Variants in ARHGEF26 observed in about 807,000 individuals in gnomAD.
ARHGEF26 encodes the protein Rho guanine nucleotide exchange factor 26, also known as Rho guanine nucleotide exchange factor (GEF) 26.
In ARHGEF26, 59 loss-of-function variants were observed where a neutral mutation model predicts 89.4. The ratio of observed to expected loss-of-function variants is 0.66; its 90% confidence interval spans 0.54 to 0.82. The LOEUF (loss-of-function observed/expected upper bound fraction) is 0.82. Ranked by LOEUF, ARHGEF26 falls within the 40% of genes least tolerant of loss-of-function variation. The pLI, the probability that ARHGEF26 is intolerant of heterozygous loss-of-function variation, is 0.00. For missense variants in ARHGEF26, 1,234 were observed against 1,085.6 expected, an observed-to-expected ratio of 1.14 and a Z score of -1.92; for synonymous variants, 500 against 428.4, an observed-to-expected ratio of 1.17 and a Z score of -2.06.
Position 154,257,260 on chromosome 3 carries a change from G to C in ARHGEF26, c.*1787G>C, listed in dbSNP as rs192558289. On this transcript the variant is annotated 3_prime_UTR_variant, in exon 15 of 15. Transcript: ENST00000465093. ...ATATATTTCAGACCGTGAGTACCTT[G>C]AGATCTGAGCAACTGTGTTAATGAA... 1.4e-5 allele frequency: 3 copies of C among 211,958 alleles called. No individual in the cohort carries two copies. Among genetic ancestry groups the C allele is most frequent in the African/African-American group, 6.8e-5 (3 of 43,902 alleles). 13.1% of individuals were successfully genotyped at this position (211,958 alleles called of 1,614,324 possible).
rs1424295274 is a variant in ARHGEF26, at chr3:154,229,100, A to AAG, written c.2090+3090_2090+3091insAG. ...CCCTCCACTTCACAGTGCATGTATC[A>AAG]CTGCTTGTGCTTGTAAAGCTGGCTT... On this transcript the variant is annotated intron_variant, in intron 11 of 14. Transcript: ENST00000465093. Among the ~76,000 whole-genome samples the AAG allele has an allele frequency of 2.0e-5, 3 of 152,334 alleles. No individual in the cohort carries two copies. The East Asian group carries it at 5.8e-4, about 29-fold the overall frequency.
At chr3:154,129,404 A>T (rs566784807) in intron 3 of ARHGEF26, among the ~76,000 whole-genome samples, 170 bp from the exon 4 acceptor site, 49 of 152,308 alleles carry the variant, frequency 3.2e-4, no homozygotes, top group Non-Finnish European at 1.8e-4. Flanking sequence ...AGATAGAGCT[A>T]TGTGAATGAG....
In ARHGEF26 at chr3:154,186,886, C is replaced by CTTTTTTTTTTTTTT. The variant is rs201150057; in HGVS notation, c.1488-784_1488-771dup. On this transcript the variant is annotated intron_variant, in intron 6 of 14. Transcript: ENST00000465093. ...CATATACTGTTAGATTTATTTCAGA[C>CTTTTTTTTTTTTTT]TTTTTTTTTTTTTTTTTTTTTTTTT... 1.7e-4 allele frequency among the ~76,000 whole-genome samples: 14 copies of CTTTTTTTTTTTTTT among 82,080 alleles called. 2 individuals are homozygous for CTTTTTTTTTTTTTT. The highest frequency in any genetic ancestry group is 5.7e-4 in the African/African-American group (12 of 21,168). 53.8% of individuals were successfully genotyped at this position (82,080 alleles called of 152,430 possible).
chr3:154,178,947 C>G (rs1268511764), intron 6 of ARHGEF26, among the ~76,000 whole-genome samples: 1 of 152,150 alleles, frequency 6.6e-6, no homozygotes, highest in Non-Finnish European at 1.5e-5. Flanking sequence ...CCTAGTGGTT[C>G]TCTTGTTACT....
At chr3:154,163,071 TCTTA>T (rs1305738995) in intron 6 of ARHGEF26, among the ~76,000 whole-genome samples, 2 of 152,164 alleles carry the variant, frequency 1.3e-5, no homozygotes, top group African/African-American at 2.4e-5. Context: ...TAAATAATTG[TCTTA>T]CTTGTTTTTA....
Position 154,227,618 on chromosome 3 carries a change from T to C in ARHGEF26, c.2090+1608T>C, listed in dbSNP as rs533473274. Among the ~76,000 whole-genome samples, 3 of 152,300 alleles carry C rather than the reference T, an allele frequency of 2.0e-5. No individual in the cohort carries two copies. In the South Asian group the frequency reaches 6.2e-4, roughly 32 times the overall value. On this transcript the variant is annotated intron_variant, in intron 11 of 14. Transcript: ENST00000465093. ...AAGAAAGATGGGAGAAGAATTATAA[T>C]TTTTATGTTTTTGTGTTTTGTTGGT...
intron 11 of ARHGEF26, among the ~76,000 whole-genome samples, chr3:154,238,257 A>G (rs538715256): frequency 1.3e-5 from 2 of 152,340 alleles, no homozygotes; most frequent in South Asian, 2.1e-4. Flanking sequence ...AATATTTGAC[A>G]TATCCAAGTG....
chr3:154,127,172 A>T (rs547187506), intron 3 of ARHGEF26, among the ~76,000 whole-genome samples: 2 of 152,232 alleles, frequency 1.3e-5, no homozygotes, highest in Non-Finnish European at 2.9e-5. Flanking sequence ...CAAATACTGT[A>T]CATTTAAGCT....
intron 6 of ARHGEF26, among the ~76,000 whole-genome samples, chr3:154,162,126 T>TAC (rs1326102013): frequency 6.6e-6 from 1 of 152,206 alleles, no homozygotes; most frequent in Admixed American, 6.5e-5. Flanking sequence ...GACTGGGGTT[T>TAC]GGTTGCAGTG....
intron 9 of ARHGEF26, among the ~76,000 whole-genome samples, chr3:154,217,311 T>G (rs943203281): frequency 2.0e-5 from 3 of 151,730 alleles, no homozygotes; most frequent in Admixed American, 1.3e-4. Flanking sequence ...TTTCATGTGT[T>G]TTTTGGCTGC....
chr3:154,122,738 AG>A lies in ARHGEF26; in HGVS notation c.747del (p.Ile250SerfsTer12). The stretch of plus-strand genomic sequence containing the variant: ...GCCGCCCTCAAAGTGGGGAAGCAGC[AG>A]ATCATTCCGAAGAGTCTGGCCTCGG... ...SPAALKVGKQ[Q>X]IIPKSLASEI... is the part of the protein sequence containing the mutation. On this transcript the variant is annotated frameshift_variant, in exon 2 of 15. Transcript: ENST00000465093. LOFTEE classifies it high-confidence loss of function. 6.2e-7 allele frequency: 1 copy of A among 1,613,104 alleles called. No homozygotes were observed. The highest frequency in any genetic ancestry group is 8.5e-7 in the Non-Finnish European group (1 of 1,179,494).
intron 13 of ARHGEF26, among the ~76,000 whole-genome samples, chr3:154,253,741 C>T (rs1210616046): frequency 6.6e-6 from 1 of 152,090 alleles, no homozygotes; most frequent in African/African-American, 2.4e-5. Context: ...CTATTAGCTT[C>T]CTAACTTTGA....
chr3:154,188,421 C>T (rs1055809401), intron 7 of ARHGEF26, among the ~76,000 whole-genome samples: 3 of 152,172 alleles, frequency 2.0e-5, no homozygotes, highest in African/African-American at 7.2e-5. Context: ...ATTAGATTTC[C>T]TGCCACATCT....
intron 9 of ARHGEF26, among the ~76,000 whole-genome samples, chr3:154,207,891 C>T (rs1252657465): frequency 6.6e-6 from 1 of 152,184 alleles, no homozygotes; most frequent in African/African-American, 2.4e-5. Flanking sequence ...TGTACATATA[C>T]ACCATGGTAT....
At position 154,180,790 on chromosome 3, in the gene ARHGEF26, G is replaced by A. The variant is rs75983906; in HGVS notation, c.1488-6895G>A. Among the ~76,000 whole-genome samples, 147 of 151,804 alleles carry A rather than the reference G, an allele frequency of 9.7e-4. 3 individuals carry two copies. The East Asian group carries it at 0.027, about 28-fold the overall frequency. On this transcript the variant is annotated intron_variant, in intron 6 of 14. Coordinates refer to ENST00000465093, the MANE Select transcript of ARHGEF26 (RefSeq NM_015595.4). Reference sequence around the variant, plus strand: ...TAGAATATGAGAAGACATATAGTCTGCTGAAAAGGAAGTCTCTTGAGACCT... The same window carrying A: ...TAGAATATGAGAAGACATATAGTCTACTGAAAAGGAAGTCTCTTGAGACCT...
chr3:154,168,617 A>G (rs560535424), intron 6 of ARHGEF26, among the ~76,000 whole-genome samples: 3 of 152,182 alleles, frequency 2.0e-5, no homozygotes, highest in South Asian at 4.2e-4. Context: ...AAAATGGCCA[A>G]AGATTATCAA....
At chr3:154,239,262 GAGAGAGAGA>G (rs1559920421) in intron 11 of ARHGEF26, among the ~76,000 whole-genome samples, 10 of 85,132 alleles carry the variant, frequency 1.2e-4, no homozygotes, top group African/African-American at 5.0e-4. Flanking sequence ...GAGAGAGAGG[GAGAGAGAGA>G]GAGAGAGAGA....
intron 9 of ARHGEF26, among the ~76,000 whole-genome samples, chr3:154,205,177 A>G (rs1286220244): frequency 6.6e-6 from 1 of 152,064 alleles, no homozygotes; most frequent in Non-Finnish European, 1.5e-5. Context: ...TTATATATCT[A>G]TGTGTTCCAG....
rs1301461695 is a variant in ARHGEF26, at chr3:154,122,405, C to G, written c.413C>G (p.Pro138Arg). 1.2e-6 allele frequency: 2 copies of G among 1,608,734 alleles called. No homozygotes were observed. Among genetic ancestry groups the G allele is most frequent in the Admixed American group, 1.7e-5 (1 of 59,882 alleles). ...PANGAVTLPAPPPPPVLRPPR... is the reference protein window; with the variant it reads ...PANGAVTLPARPPPPVLRPPR... ...AATGGCGCGGTGACCTTGCCTGCGC[C>G]GCCGCCGCCGCCGGTTCTGCGCCCC... The change falls in exon 2 of 15, where the codon CCG becomes CGG. Residue 138 changes from proline (P) to arginine (R), a missense_variant. By Grantham distance (103) the Pro-to-Arg change is moderately radical (BLOSUM62 -2). Coordinates refer to ENST00000465093, the MANE Select transcript of ARHGEF26 (RefSeq NM_015595.4).
Sources: allele counts gnomAD v4.1 joint callset (sites outside exome capture counted in the v4.1 genomes callset), GRCh38; gene constraint gnomAD v4.1.1; transcripts MANE v1.5; gene names NCBI Gene and HGNC (gene_info 2026-07-23, HGNC 2026-07-21).